NSMCE4A: variants seen among roughly 807,000 people sequenced by gnomAD.
NSMCE4A encodes the protein non-structural maintenance of chromosomes element 4 homolog A.
NSMCE4A carries 40 observed loss-of-function variants against 47.9 expected under a neutral mutation model. The ratio of observed to expected loss-of-function variants is 0.83; its 90% confidence interval spans 0.65 to 1.09. NSMCE4A has a LOEUF of 1.09. Among genes scored for constraint, NSMCE4A ranks in the 50% least tolerant of loss-of-function variants. NSMCE4A has a pLI of 0.00. For synonymous variants in NSMCE4A, 166 were observed against 178.5 expected, an observed-to-expected ratio of 0.93 and a Z score of 0.56; for missense variants, 500 against 507.0, an observed-to-expected ratio of 0.99 and a Z score of 0.13.
intron 3 of NSMCE4A, among the ~76,000 whole-genome samples, chr10:121,969,439 T>C (rs1952665193): frequency 6.6e-6 from 1 of 151,742 alleles, no homozygotes; most frequent in South Asian, 2.1e-4. Context: ...ATGGTTACTT[T>C]ATTGACCTCT....
At chr10:121,958,843 TC>T (rs1952446758) in intron 10 of NSMCE4A, among the ~76,000 whole-genome samples, 1 of 151,926 alleles carries the variant, frequency 6.6e-6, no homozygotes, top group Non-Finnish European at 1.5e-5. Context: ...TGAGACAGAG[TC>T]TTGCTCTGTC....
rs549334534 is a variant in NSMCE4A at position 121,974,058 on chromosome 10, C to T, written c.316G>A (p.Ala106Thr). The T allele has an allele frequency of 3.4e-5, 55 of 1,606,104 alleles. No individual in the cohort carries two copies. In the South Asian group the frequency reaches 5.7e-4, roughly 17 times the overall value. The change falls in exon 2 of 11, where the codon GCC becomes ACC. Residue 106 changes from alanine to threonine, a missense_variant. Coordinates refer to ENST00000369023, the MANE Select transcript of NSMCE4A (RefSeq NM_017615.3). Reference protein sequence around the residue: ...VQQNREDILNAGDKLTEVLEE... With the variant: ...VQQNREDILNTGDKLTEVLEE... Reference sequence around the variant, plus strand: ...AGGACCTCTGTTAATTTGTCACCGGCATTCAGTATGTCCTCACGGTTTTCT... The same window carrying T: ...AGGACCTCTGTTAATTTGTCACCGGTATTCAGTATGTCCTCACGGTTTTCT...
intron 3 of NSMCE4A, among the ~76,000 whole-genome samples, chr10:121,969,722 T>C (rs952007182): frequency 7.2e-5 from 11 of 152,222 alleles, no homozygotes; most frequent in South Asian, 2.1e-4. Flanking sequence ...GACTGATTGA[T>C]TGATTGATTT....
intron 5 of NSMCE4A, 108 bp from the exon 6 acceptor site, chr10:121,963,436 CT>C (rs59415272): frequency 0.26 from 134,749 of 515,414 alleles, 3,761 homozygotes; most frequent in Non-Finnish European, 0.28. Context: ...CACCCGAACT[CT>C]TTTTTTTTTT....
At chr10:121,968,016 CT>C (rs1172243055) in intron 3 of NSMCE4A, among the ~76,000 whole-genome samples, 6 of 152,280 alleles carry the variant, frequency 3.9e-5, no homozygotes, top group African/African-American at 1.2e-4. Flanking sequence ...GAAAACATTC[CT>C]CAATGTACTT....
rs953473894 is a variant in NSMCE4A at position 121,975,141 on chromosome 10, C to T, written c.25G>A (p.Gly9Arg). MSGDSSGR[G>R]PEGRGRGRDP... ...CGGCCCCGGCCCCGGCCCTCTGGCC[C>T]GCGGCCGCTGCTGTCCCCAGACATA... is the stretch of plus-strand genomic sequence containing the variant. Residue 9 changes from glycine (G) to arginine (R), a missense_variant, in exon 1 of 11, where the codon GGG becomes AGG. By Grantham distance (125) the Gly-to-Arg change is moderately radical (BLOSUM62 -2). Transcript: ENST00000369023. The T allele has an allele frequency of 1.4e-6, 2 of 1,408,052 alleles. No individual in the cohort carries two copies. Among genetic ancestry groups the T allele is most frequent in the Non-Finnish European group, 1.8e-6 (2 of 1,093,174 alleles). 87.2% of individuals were successfully genotyped at this position (1,408,052 alleles called of 1,614,324 possible).
In NSMCE4A at chr10:121,960,637, T is replaced by C. The variant is rs533499213; in HGVS notation, c.940-231A>G. The stretch of plus-strand genomic sequence containing the variant: ...CCAGACACAGCCTCCATCCTGAGAA[T>C]CTCTTAAGTGAAACTCATCTTGTCT... On this transcript the variant is annotated intron_variant, in intron 7 of 10. Coordinates refer to ENST00000369023, the MANE Select transcript of NSMCE4A (RefSeq NM_017615.3). The surrounding 1 kb of genome is among the most constrained non-coding windows in gnomAD (Gnocchi z 4.2). 2.0e-5 allele frequency among the ~76,000 whole-genome samples: 3 copies of C among 152,328 alleles called. No homozygotes were observed. In the East Asian group the frequency reaches 5.8e-4, roughly 29 times the overall value.
At chr10:121,967,626 G>A (rs765965160) in intron 4 of NSMCE4A, 29 bp downstream of exon 4, 24 of 1,598,206 alleles carry the variant, frequency 1.5e-5, no homozygotes, top group Non-Finnish European at 2.0e-5. Context: ...ACAAATAACT[G>A]GTCTGTTGGA....
At chr10:121,961,699 G>A in intron 6 of NSMCE4A, 182 bp from the exon 7 acceptor site, 1 of 484,326 alleles carries the variant, frequency 2.1e-6, no homozygotes, top group East Asian at 3.6e-5. Context: ...CCACTGACCT[G>A]GAAACCACCT....
At chr10:121,959,227 CA>C (rs1228454720) in intron 10 of NSMCE4A, 96 bp downstream of exon 10, 11 of 1,064,464 alleles carry the variant, frequency 1.0e-5, no homozygotes, top group Non-Finnish European at 1.6e-5. Flanking sequence ...TACAGGGAGG[CA>C]AAAATTCAAA....
rs554286364 is a variant in NSMCE4A, at chr10:121,959,755, GTAT to G, written c.989-163_989-161del. The G allele has an allele frequency of 9.0e-4, 546 of 607,370 alleles. 1 individual carries two copies. The highest frequency in any genetic ancestry group is 6.5e-3 in the African/African-American group (349 of 54,060). 37.6% of individuals were successfully genotyped at this position (607,370 alleles called of 1,614,324 possible). A position where few individuals can be genotyped will look rare whatever the true frequency, so the allele number is the denominator to read the frequency against. On this transcript the variant is annotated intron_variant, in intron 8 of 10. Transcript: ENST00000369023. ...TTTCATGCATTATGGAGCTGCTGTAGTATTATTACAGTAGCCAGTCATTCCATC... is the reference window on the plus strand; with the variant it reads ...TTTCATGCATTATGGAGCTGCTGTAGTATTACAGTAGCCAGTCATTCCATC...
chr10:121,963,325 T>G lies in NSMCE4A; in HGVS notation c.757A>C (p.Arg253=). The G allele has an allele frequency of 1.3e-6, 2 of 1,598,284 alleles. No individual in the cohort carries two copies. The highest frequency in any genetic ancestry group is 1.7e-6 in the Non-Finnish European group (2 of 1,167,092). ...QEERAMPAQL[R]RMEESHQEAT... Reference sequence around the variant, plus strand: ...TCTTGATGAGATTCTTCCATTCTTCTTAACTGAAAAAAGTCATTATCAAGC... The same window carrying G: ...TCTTGATGAGATTCTTCCATTCTTCGTAACTGAAAAAAGTCATTATCAAGC... The change falls in exon 6 of 11, where the codon AGA becomes CGA. Residue 253 remains arginine (R), a synonymous_variant. Coordinates refer to ENST00000369023, the MANE Select transcript of NSMCE4A (RefSeq NM_017615.3).
chr10:121,971,551 T>A (rs1952713348), intron 2 of NSMCE4A, among the ~76,000 whole-genome samples: 1 of 152,094 alleles, frequency 6.6e-6, no homozygotes, highest in African/African-American at 2.4e-5. Flanking sequence ...TGTGCCCAAC[T>A]CACCAAAATC....
intron 2 of NSMCE4A, among the ~76,000 whole-genome samples, chr10:121,971,597 C>G (rs916575733): frequency 2.6e-5 from 4 of 152,210 alleles, no homozygotes; most frequent in Admixed American, 2.0e-4. Flanking sequence ...TAAAAGCCAG[C>G]TTTCTGTCTA....
intron 4 of NSMCE4A, chr10:121,966,552 T>G (rs1388461838): frequency 4.6e-5 from 7 of 152,218 alleles, no homozygotes; most frequent in Admixed American, 4.6e-4. Flanking sequence ...TCTGGGCACC[T>G]GAGTTACCTG....
chr10:121,967,518 A>G (rs1952629005), intron 4 of NSMCE4A, 137 bp downstream of exon 4: 2 of 946,982 alleles, frequency 2.1e-6, no homozygotes, highest in Non-Finnish European at 3.1e-6. Flanking sequence ...GAACTTTCAT[A>G]TCAAAGTTTC....
chr10:121,961,543 T>A (rs745320304), intron 6 of NSMCE4A, 26 bp from the exon 7 acceptor site: 56 of 1,443,932 alleles, frequency 3.9e-5, no homozygotes, highest in African/African-American at 1.0e-4. Context: ...GAAAAAAAAA[T>A]TGATTTTTGC....
chr10:121,968,736 C>A (rs1952651372), intron 3 of NSMCE4A, among the ~76,000 whole-genome samples: 1 of 151,946 alleles, frequency 6.6e-6, no homozygotes, highest in South Asian at 2.1e-4. Context: ...ATCACAAAAC[C>A]CTCAGGGAGC....
chr10:121,961,784 TA>T, intron 6 of NSMCE4A: 2 of 344,616 alleles, frequency 5.8e-6, no homozygotes, highest in South Asian at 1.1e-4. Context: ...TTCAGCAATT[TA>T]TACAAGAGTA....
Sources: allele counts gnomAD v4.1 joint callset (sites outside exome capture counted in the v4.1 genomes callset), GRCh38; gene constraint gnomAD v4.1.1; non-coding constraint Gnocchi (gnomAD v3.1); transcripts MANE v1.5; gene names NCBI Gene and HGNC (gene_info 2026-07-23, HGNC 2026-07-21).